Variants in NARS2 observed in about 807,000 individuals in gnomAD.
The protein encoded by NARS2 is asparaginyl-tRNA synthetase.
Under a neutral mutation model 62.9 loss-of-function variants are expected in NARS2, and 60 were observed. That is an observed-to-expected ratio of 0.95 (90% confidence interval 0.77 to 1.18). The LOEUF (loss-of-function observed/expected upper bound fraction) is 1.18, where lower values mean the gene tolerates loss of function less well. Ranked by LOEUF, NARS2 falls within the 50% of genes most tolerant of loss-of-function variation. The probability of loss-of-function intolerance (pLI) is 0.00; values close to 1 mark genes in which losing one functional copy is unlikely to be tolerated. For synonymous variants in NARS2, 196 were observed against 200.0 expected, an observed-to-expected ratio of 0.98 and a Z score of 0.17; for missense variants, 619 against 576.4, an observed-to-expected ratio of 1.07 and a Z score of -0.76.
chr11:78,569,239 A>G (rs1856837970), intron 2 of NARS2, among the ~76,000 whole-genome samples: 1 of 152,236 alleles, frequency 6.6e-6, no homozygotes, highest in Admixed American at 6.5e-5. Flanking sequence ...CTGTATGACA[A>G]CTATGGAAAG....
At chr11:78,442,368 C>T (rs1258553314) in intron 12 of NARS2, among the ~76,000 whole-genome samples, 1 of 152,158 alleles carries the variant, frequency 6.6e-6, no homozygotes, top group Admixed American at 6.5e-5. Flanking sequence ...CCTATTTATC[C>T]ATCCCCTTTC....
intron 5 of NARS2, among the ~76,000 whole-genome samples, chr11:78,550,725 A>G (rs1856069189): frequency 6.6e-6 from 1 of 152,248 alleles, no homozygotes; most frequent in Non-Finnish European, 1.5e-5. Context: ...AACATGACCC[A>G]GAAATTCTAC....
chr11:78,518,408 A>G lies in NARS2; in HGVS notation c.689+10434T>C, dbSNP rs541822480. Among the ~76,000 whole-genome samples, 9 of 152,350 alleles carry G rather than the reference A, an allele frequency of 5.9e-5. No homozygotes were observed. In the South Asian group the frequency reaches 1.9e-3, roughly 32 times the overall value. On this transcript the variant is annotated intron_variant, in intron 6 of 13. Transcript: ENST00000281038. The stretch of plus-strand genomic sequence containing the variant: ...AAATTCAGTTTAACTACTACTTGCT[A>G]GTGATTATGAGGACATGGAGCTGAG...
In NARS2 at chr11:78,478,556, T is replaced by C. The variant is rs984096702; in HGVS notation, c.921+29A>G. 3 of 1,413,714 alleles carry C rather than the reference T, an allele frequency of 2.1e-6. No individual in the cohort carries two copies. The African/African-American group carries it at 4.2e-5, about 20-fold the overall frequency. The allele number at this position is 1,413,714 out of a possible 1,614,324, so 87.6% of individuals were successfully genotyped here. ...TAATTAACACATTAAACAGTAGATGTATTGGGCTTTATCCATAAAACTAAT... is the reference window on the plus strand; with the variant it reads ...TAATTAACACATTAAACAGTAGATGCATTGGGCTTTATCCATAAAACTAAT... On this transcript the variant is annotated intron_variant, in intron 8 of 13. Transcript: ENST00000281038.
At position 78,528,836 on chromosome 11, in the gene NARS2, T is replaced by C. The variant is rs747028018; in HGVS notation, c.689+6A>G. 2.6e-5 allele frequency: 41 copies of C among 1,594,332 alleles called. No homozygotes were observed. In the Admixed American group the frequency reaches 6.9e-4, roughly 27 times the overall value. Reference sequence around the variant, plus strand: ...TCAAAGCAAAAGAGAAAGGAAAATTTCATACCCTGACATCACTTCTAGATG... The same window carrying C: ...TCAAAGCAAAAGAGAAAGGAAAATTCCATACCCTGACATCACTTCTAGATG... On this transcript the variant is annotated splice_donor_region_variant and intron_variant, in intron 6 of 13. Coordinates refer to ENST00000281038, the MANE Select transcript of NARS2 (RefSeq NM_024678.6).
intron 5 of NARS2, among the ~76,000 whole-genome samples, chr11:78,538,354 C>T (rs909532694): frequency 6.6e-6 from 1 of 152,166 alleles, no homozygotes; most frequent in Non-Finnish European, 1.5e-5. Context: ...CATCTAAGCA[C>T]TGTGCTACAT....
intron 6 of NARS2, among the ~76,000 whole-genome samples, chr11:78,498,826 C>T (rs1860164584): frequency 6.7e-6 from 1 of 149,040 alleles, no homozygotes; most frequent in Non-Finnish European, 1.5e-5. Flanking sequence ...TTGAAAATTT[C>T]ATGAGCGACT....
intron 6 of NARS2, among the ~76,000 whole-genome samples, 158 bp downstream of exon 6, chr11:78,528,682 CAA>C (rs1345593295): frequency 6.6e-6 from 1 of 151,938 alleles, no homozygotes; most frequent in Non-Finnish European, 1.5e-5. Context: ...TCACTAAAAA[CAA>C]AAGTCTGTAC....
intron 6 of NARS2, among the ~76,000 whole-genome samples, chr11:78,519,102 T>C (rs570008254): frequency 6.6e-6 from 1 of 152,306 alleles, no homozygotes; most frequent in East Asian, 1.9e-4. Context: ...GAAAGTCTTA[T>C]AAGCAGATGG....
At chr11:78,471,975 C>A (rs1858898840) in intron 9 of NARS2, among the ~76,000 whole-genome samples, 1 of 152,204 alleles carries the variant, frequency 6.6e-6, no homozygotes, top group East Asian at 1.9e-4. Flanking sequence ...GTATCATCTA[C>A]CAATCACACT....
rs1555015326 is a variant in NARS2, at chr11:78,468,310, G to GGAAAAAAAAAAAAAAAAAAAAAA, written c.1026+936_1026+937insTTTTTTTTTTTTTTTTTTTTTTC. ...ACCTGCTTCTGCAAGCACTAAATCTGAAAAAAAAAAAAAAAAAAGAAAAAA... is the reference window on the plus strand; with the variant it reads ...ACCTGCTTCTGCAAGCACTAAATCTGGAAAAAAAAAAAAAAAAAAAAAAAAAAAAAAAAAAAAAAAAGAAAAAA... On this transcript the variant is annotated intron_variant, in intron 10 of 13. Transcript: ENST00000281038. Among the ~76,000 whole-genome samples, 115 of 67,278 alleles carry GGAAAAAAAAAAAAAAAAAAAAAA rather than the reference G, an allele frequency of 1.7e-3. 1 individual carries two copies. Among genetic ancestry groups the GGAAAAAAAAAAAAAAAAAAAAAA allele is most frequent in the Middle Eastern group, 7.7e-3 (1 of 130 alleles). The allele number at this position is 67,278 out of a possible 152,430, so 44.1% of individuals were successfully genotyped here.
At position 78,528,924 on chromosome 11, in the gene NARS2, G is replaced by GGCT. The variant is rs762191692; in HGVS notation, c.606_607insAGC (p.Lys202_Leu203insSer). On this transcript the variant is annotated inframe_insertion, in exon 6 of 14. Transcript: ENST00000281038. ...AAGAAATTCTCCTCAGGTACCTTAAGTTTGCCTGAAGGCTGCAAATCAAAA... is the reference window on the plus strand; with the variant it reads ...AAGAAATTCTCCTCAGGTACCTTAAGGCTTTTGCCTGAAGGCTGCAAATCAAAA... The GGCT allele has an allele frequency of 6.5e-5, 105 of 1,610,182 alleles. 1 individual carries two copies. The Admixed American group carries it at 1.8e-3, about 27-fold the overall frequency.
At chr11:78,541,243 T>C (rs979872990) in intron 5 of NARS2, among the ~76,000 whole-genome samples, 1 of 152,214 alleles carries the variant, frequency 6.6e-6, no homozygotes, top group Non-Finnish European at 1.5e-5. Flanking sequence ...TTAGAATAAA[T>C]GTTATATACA....
chr11:78,459,193 GCA>G lies in NARS2; in HGVS notation c.1164+6681_1164+6682del, dbSNP rs1256079163. ...ACCTCCCAAAGTGCTGGGATTACAA[GCA>G]TGAGCCACGGCGCCGGTCAATCTGA... On this transcript the variant is annotated intron_variant, in intron 11 of 13. Transcript: ENST00000281038. Among the ~76,000 whole-genome samples the G allele has an allele frequency of 2.1e-3, 320 of 150,190 alleles. 1 individual carries two copies. The highest frequency in any genetic ancestry group is 7.6e-3 in the African/African-American group (306 of 40,196).
chr11:78,520,017 A>C (rs900375919), intron 6 of NARS2, among the ~76,000 whole-genome samples: 40 of 152,234 alleles, frequency 2.6e-4, no homozygotes, highest in African/African-American at 9.1e-4. Flanking sequence ...TTGGTCAAAC[A>C]GTTATATTTA....
At chr11:78,511,608 T>A (rs1303680163) in intron 6 of NARS2, among the ~76,000 whole-genome samples, 1 of 151,942 alleles carries the variant, frequency 6.6e-6, no homozygotes, top group African/African-American at 2.4e-5. Context: ...TCCCAGCTAC[T>A]CGAGAGGCTG....
In NARS2 at chr11:78,509,078, C is replaced by T. The variant is rs1024136221; in HGVS notation, c.690-15883G>A. Among the ~76,000 whole-genome samples, 7 of 148,884 alleles carry T rather than the reference C, an allele frequency of 4.7e-5. No homozygotes were observed. The Admixed American group carries it at 4.7e-4, about 10-fold the overall frequency. ...TGCAGTGAGCCAACAGCACTCCAGCCTGGGCAACAGAGTGAGACTCTGTCT... is the reference window on the plus strand; with the variant it reads ...TGCAGTGAGCCAACAGCACTCCAGCTTGGGCAACAGAGTGAGACTCTGTCT... On this transcript the variant is annotated intron_variant, in intron 6 of 13. Transcript: ENST00000281038.
rs555756891 is a variant in NARS2, at chr11:78,474,550, T to C, written c.959+3888A>G. 3.9e-5 allele frequency among the ~76,000 whole-genome samples: 6 copies of C among 152,314 alleles called. No individual in the cohort carries two copies. The South Asian group carries it at 6.2e-4, about 16-fold the overall frequency. On this transcript the variant is annotated intron_variant, in intron 9 of 13. Transcript: ENST00000281038. ...CACTACCCTCAGTGACTGAAATAAA[T>C]AGTGATATTAGCCAATAAGAAACCT...
intron 6 of NARS2, among the ~76,000 whole-genome samples, chr11:78,494,657 T>C (rs7113559): frequency 6.6e-6 from 1 of 151,888 alleles, no homozygotes; most frequent in Non-Finnish European, 1.5e-5. Context: ...CTGAGAACCT[T>C]AGTTTTTATT....
Sources: gnomAD v4.1 joint callset for allele counts (sites outside exome capture counted in the v4.1 genomes callset) on GRCh38, gnomAD v4.1.1 for gene constraint, MANE v1.5 for transcripts, NCBI Gene and HGNC (gene_info 2026-07-23, HGNC 2026-07-21) for gene names.